Variants in CDH2 observed in about 807,000 individuals in gnomAD.
CDH2 encodes the protein cadherin 2.
CDH2 carries 17 observed loss-of-function variants against 92.0 expected under a neutral mutation model. The ratio of observed to expected loss-of-function variants is 0.18; its 90% CI spans 0.13 to 0.28. The LOEUF (loss-of-function observed/expected upper bound fraction) is 0.28. Among genes scored for constraint, CDH2 ranks in the 10% least tolerant of loss-of-function variants. The probability of loss-of-function intolerance (pLI) is 1.00; values close to 1 mark genes in which losing one functional copy is unlikely to be tolerated. For missense variants in CDH2, 862 were observed against 1,133.1 expected, an observed-to-expected ratio of 0.76 and a Z score of 3.44; for synonymous variants, 419 against 415.9, an observed-to-expected ratio of 1.01 and a Z score of -0.09.
At chr18:28,117,307 G>GA (rs1428988683) in intron 2 of CDH2, among the ~76,000 whole-genome samples, 1 of 152,158 alleles carries the variant, frequency 6.6e-6, no homozygotes, top group South Asian at 2.1e-4. Context: ...ATGGCTAAAG[G>GA]AAAAATATAT....
intron 2 of CDH2, among the ~76,000 whole-genome samples, chr18:28,054,769 G>A (rs1015236427): frequency 2.0e-5 from 3 of 152,038 alleles, no homozygotes; most frequent in Non-Finnish European, 4.4e-5. Flanking sequence ...CTGTAAAATG[G>A]GAAACTTTCA....
Position 27,982,400 on chromosome 18 carries a change from C to A in CDH2, c.2349+544G>T, listed in dbSNP as rs551970376. On this transcript the variant is annotated intron_variant, in intron 14 of 15. Coordinates refer to ENST00000269141, the MANE Select transcript of CDH2 (RefSeq NM_001792.5). ...AACCACCTCAAGCCAGGAACTATGACAGACACTATAAATACAAAGATGAAC... is the reference window on the plus strand; with the variant it reads ...AACCACCTCAAGCCAGGAACTATGAAAGACACTATAAATACAAAGATGAAC... Among the ~76,000 whole-genome samples the A allele has an allele frequency of 4.6e-5, 7 of 152,274 alleles. No individual in the cohort carries two copies. In the South Asian group the frequency reaches 8.3e-4, roughly 18 times the overall value.
At chr18:27,999,430 G>A (rs999283731) in intron 7 of CDH2, among the ~76,000 whole-genome samples, 4 of 152,106 alleles carry the variant, frequency 2.6e-5, no homozygotes, top group African/African-American at 4.8e-5. Context: ...CAGAAAACAG[G>A]AGAACACCCC....
At chr18:28,165,723 CTTTT>C (rs2016368518) in intron 1 of CDH2, among the ~76,000 whole-genome samples, 1 of 142,964 alleles carries the variant, frequency 7.0e-6, no homozygotes, top group South Asian at 2.2e-4. Context: ...TTTTTTTTTT[CTTTT>C]TTCTTTTTTT....
intron 2 of CDH2, among the ~76,000 whole-genome samples, chr18:28,064,607 G>A (rs1038646386): frequency 6.6e-6 from 1 of 151,712 alleles, no homozygotes; most frequent in Non-Finnish European, 1.5e-5. Flanking sequence ...GAATGGAACT[G>A]GCCACCTACC....
intron 14 of CDH2, among the ~76,000 whole-genome samples, chr18:27,972,958 A>C (rs2011706066): frequency 6.6e-6 from 1 of 152,178 alleles, no homozygotes; most frequent in South Asian, 2.1e-4. Context: ...TAGGTGAAGA[A>C]ATGGACTACG....
At chr18:28,009,562 A>G (rs188977881) in intron 5 of CDH2, among the ~76,000 whole-genome samples, 155 bp downstream of exon 5, 84 of 152,334 alleles carry the variant, frequency 5.5e-4, no homozygotes, top group Non-Finnish European at 7.4e-5. Context: ...ATTCTATAAA[A>G]ACAATAACAT....
chr18:28,043,471 TATATATATATATATATATATATAA>T (rs1392113194), intron 2 of CDH2, among the ~76,000 whole-genome samples: 1,488 of 66,894 alleles, frequency 0.022, 43 homozygotes, highest in African/African-American at 0.075. Flanking sequence ...AATATATATA[TATATATATATATATATATATATAA>T]ATATATATAT....
chr18:28,086,159 A>G (rs889056742), intron 2 of CDH2, among the ~76,000 whole-genome samples: 1 of 152,204 alleles, frequency 6.6e-6, no homozygotes, highest in Admixed American at 6.5e-5. Context: ...CTAGTTTGCA[A>G]TTGAGAAGTT....
intron 2 of CDH2, among the ~76,000 whole-genome samples, chr18:28,098,750 C>G (rs994380033): frequency 3.3e-5 from 5 of 152,038 alleles, no homozygotes; most frequent in African/African-American, 1.2e-4. Context: ...TGTTTAGAGT[C>G]TGAGGACTGA....
At chr18:27,956,475 G>A (rs1165350383) in intron 15 of CDH2, among the ~76,000 whole-genome samples, 1 of 152,122 alleles carries the variant, frequency 6.6e-6, no homozygotes, top group African/African-American at 2.4e-5. Context: ...GAACACATGA[G>A]GGATGTAAAA....
chr18:28,017,352 C>A (rs2013278068), intron 2 of CDH2, among the ~76,000 whole-genome samples: 2 of 152,004 alleles, frequency 1.3e-5, no homozygotes, highest in African/African-American at 4.8e-5. Context: ...GGGTTGTATA[C>A]TTCCAGGAAT....
intron 2 of CDH2, chr18:28,036,521 T>G (rs1352897450): frequency 6.2e-7 from 1 of 1,608,262 alleles, no homozygotes. Context: ...TCAGTGAAGA[T>G]ACACACATAA....
At chr18:27,997,223 T>C (rs1263372245) in intron 7 of CDH2, among the ~76,000 whole-genome samples, 2 of 151,842 alleles carry the variant, frequency 1.3e-5, no homozygotes, top group African/African-American at 4.9e-5. Flanking sequence ...CAGCACAATT[T>C]TGAAACACTG....
chr18:28,127,501 C>A (rs911407761), intron 2 of CDH2, among the ~76,000 whole-genome samples: 3 of 149,238 alleles, frequency 2.0e-5, no homozygotes, highest in Non-Finnish European at 3.0e-5. Flanking sequence ...AATGGTCAAG[C>A]CAATTTTCCT....
intron 2 of CDH2, among the ~76,000 whole-genome samples, chr18:28,122,581 T>A (rs11083250): frequency 0.23 from 35,017 of 152,100 alleles, 4,540 homozygotes; most frequent in Non-Finnish European, 0.3. Context: ...TCTGAAAAAT[T>A]CCTTCCAAGT....
intron 2 of CDH2, among the ~76,000 whole-genome samples, chr18:28,069,970 G>C (rs1016668451): frequency 2.0e-5 from 3 of 152,114 alleles, no homozygotes; most frequent in Non-Finnish European, 2.9e-5. Context: ...CCACTTTAAG[G>C]CCTCCAGTGT....
At chr18:28,086,825 G>C (rs908058092) in intron 2 of CDH2, among the ~76,000 whole-genome samples, 1 of 152,040 alleles carries the variant, frequency 6.6e-6, no homozygotes, top group African/African-American at 2.4e-5. Context: ...TCTAATTAAC[G>C]GAACTGAGTC....
intron 15 of CDH2, among the ~76,000 whole-genome samples, chr18:27,953,068 GGAAT>G (rs1452782832): frequency 5.9e-5 from 9 of 152,148 alleles, no homozygotes; most frequent in African/African-American, 2.2e-4. Flanking sequence ...CATAAAATGT[GGAAT>G]TAATTAATTG....
Sources: gnomAD v4.1 joint callset for allele counts (sites outside exome capture counted in the v4.1 genomes callset) on GRCh38, gnomAD v4.1.1 for gene constraint, MANE v1.5 for transcripts, NCBI Gene and HGNC (gene_info 2026-07-23, HGNC 2026-07-21) for gene names.